The following PCDHGA5 variants were observed in gnomAD, a reference collection of about 807,000 sequenced individuals.
The protein encoded by PCDHGA5 is protocadherin gamma subfamily A, 5.
PCDHGA5 carries 36 observed loss-of-function variants against 56.7 expected under a neutral mutation model. That is an observed-to-expected ratio of 0.64 (90% CI 0.49 to 0.84). The LOEUF (loss-of-function observed/expected upper bound fraction) is 0.84, where lower values mean the gene tolerates loss of function less well. Ranked by LOEUF, PCDHGA5 falls within the 40% of genes least tolerant of loss-of-function variation. The probability of loss-of-function intolerance (pLI) is 0.00; values close to 1 mark genes in which losing one functional copy is unlikely to be tolerated. For synonymous variants in PCDHGA5, 563 were observed against 520.2 expected (o/e 1.08, Z -1.12); for missense variants, 1,305 against 1,201.5 (o/e 1.09, Z -1.27).
At chr5:141,452,161 A>G (rs559274240) in intron 1 of PCDHGA5, among the ~76,000 whole-genome samples, 1 of 152,204 alleles carries the variant, frequency 6.6e-6, no homozygotes, top group South Asian at 2.1e-4. Context: ...GTTATATTCT[A>G]TTACTAACAT....
chr5:141,432,611 T>C lies in PCDHGA5; in HGVS notation c.2422-62196T>C, dbSNP rs141541670. On this transcript the variant is annotated intron_variant, in intron 1 of 3. Transcript: ENST00000518069. This position sits in a 1 kb window ranked among gnomAD's most constrained non-coding sequence, Gnocchi z 6.0. ...CAAGGCCAGCGAGCCGGGACTCTTC[T>C]CGGTGGGTCTGCACACGGGCGAGGT... The C allele has an allele frequency of 2.5e-6, 4 of 1,613,860 alleles. No homozygotes were observed. In the South Asian group the frequency reaches 4.4e-5, roughly 18 times the overall value.
intron 1 of PCDHGA5, among the ~76,000 whole-genome samples, chr5:141,406,925 G>A (rs1003832711): frequency 2.0e-5 from 3 of 152,268 alleles, no homozygotes; most frequent in African/African-American, 7.2e-5. Flanking sequence ...AGAGAATAAT[G>A]TATTATTTAA....
chr5:141,386,400 A>G (rs1180278109), intron 1 of PCDHGA5, among the ~76,000 whole-genome samples: 1 of 152,176 alleles, frequency 6.6e-6, no homozygotes, highest in Non-Finnish European at 1.5e-5. Flanking sequence ...ACTTTTAGCC[A>G]GGTATGGTGT....
chr5:141,489,254 C>T lies in PCDHGA5; in HGVS notation c.2422-5553C>T, dbSNP rs2099684538. 2 of 1,548,628 alleles carry T rather than the reference C, an allele frequency of 1.3e-6. No homozygotes were observed. Among genetic ancestry groups the T allele is most frequent in the African/African-American group, 1.4e-5 (1 of 73,008 alleles). ...GACTTCTGGGTCATGGGGCCCAAGA[C>T]ACTCCCACAGCTCGCTGGGAAATGG... is the stretch of plus-strand genomic sequence containing the variant. On this transcript the variant is annotated intron_variant, in intron 1 of 3. Transcript: ENST00000518069. This position sits in a 1 kb window ranked among gnomAD's most constrained non-coding sequence, Gnocchi z 4.5.
chr5:141,436,878 G>T (rs914354261), intron 1 of PCDHGA5, among the ~76,000 whole-genome samples: 1 of 152,216 alleles, frequency 6.6e-6, no homozygotes, highest in African/African-American at 2.4e-5. Context: ...GGCCATAAAA[G>T]ATGGGGGAAA....
At position 141,505,451 on chromosome 5, in the gene PCDHGA5, C is replaced by T. The variant is rs1350424069; in HGVS notation, c.2539C>T (p.Leu847=). Residue 847 remains leucine (L), a synonymous_variant, in exon 3 of 4, where the codon CTG becomes TTG. Transcript: ENST00000518069. The part of the protein sequence containing the change: ...WPNNQFDTEM[L]QAMILASASE... ...CAACAACCAGTTTGACACAGAGATG[C>T]TGCAAGCCATGATCTTGGCGTCCGC... The T allele has an allele frequency of 1.2e-6, 2 of 1,614,222 alleles. No individual in the cohort carries two copies. The highest frequency in any genetic ancestry group is 1.7e-6 in the Non-Finnish European group (2 of 1,180,048).
chr5:141,454,669 AC>A (rs1292139052), intron 1 of PCDHGA5, among the ~76,000 whole-genome samples: 1 of 151,212 alleles, frequency 6.6e-6, no homozygotes, highest in African/African-American at 2.4e-5. Context: ...GCCTCCCAAA[AC>A]ACTGGGATTA....
intron 1 of PCDHGA5, chr5:141,383,042 T>C (rs1397489820): frequency 6.2e-7 from 1 of 1,613,842 alleles, no homozygotes; most frequent in Non-Finnish European, 8.5e-7. Flanking sequence ...GTGGGAGACA[T>C]CGCCAAGGAC....
At position 141,399,661 on chromosome 5, in the gene PCDHGA5, G is replaced by T. The variant is rs1021211609; in HGVS notation, c.2421+32910G>T. The T allele has an allele frequency of 6.8e-6, 11 of 1,613,526 alleles. No individual in the cohort carries two copies. Among genetic ancestry groups the T allele is most frequent in the Non-Finnish European group, 9.3e-6 (11 of 1,179,892 alleles). ...GAGCGCGCAAAGTGGGGTGGTGTTC[G>T]CGCAGCGCGCCTTTGACTACGAGCA... On this transcript the variant is annotated intron_variant, in intron 1 of 3. Transcript: ENST00000518069.
chr5:141,495,735 T>C (rs1595351919), intron 2 of PCDHGA5, among the ~76,000 whole-genome samples: 1 of 152,044 alleles, frequency 6.6e-6, no homozygotes, highest in Admixed American at 6.5e-5. Context: ...CCTTAGTCTC[T>C]TTCTCCTTCT....
intron 2 of PCDHGA5, among the ~76,000 whole-genome samples, chr5:141,503,388 A>C (rs1456500896): frequency 6.6e-6 from 1 of 152,004 alleles, no homozygotes; most frequent in East Asian, 1.9e-4. Flanking sequence ...TGAGGTCAGG[A>C]GTTCGAAACC....
At chr5:141,392,893 G>C in intron 1 of PCDHGA5, 1 of 1,613,780 alleles carries the variant, frequency 6.2e-7, no homozygotes, top group South Asian at 1.1e-5. Flanking sequence ...TGGGAAATCG[G>C]GAGGGGACAG....
chr5:141,415,649 A>C, intron 1 of PCDHGA5: 1 of 1,597,710 alleles, frequency 6.3e-7, no homozygotes, highest in Non-Finnish European at 8.5e-7. Context: ...GTTAAAAAAA[A>C]AAAGATTGGT....
intron 1 of PCDHGA5, among the ~76,000 whole-genome samples, chr5:141,455,907 ATTTATTTT>A (rs1199495676): frequency 7.1e-5 from 9 of 126,872 alleles, no homozygotes; most frequent in African/African-American, 1.1e-4. Context: ...TTATTTATTT[ATTTATTTT>A]GAGACGGAGT....
Position 141,490,083 on chromosome 5 carries a change from T to G in PCDHGA5, c.2422-4724T>G. Reference sequence around the variant, plus strand: ...CCAACGGCCAACTAGACTATTCTTTTGGAGACCACACATCTGAGGCAGTGC... The same window carrying G: ...CCAACGGCCAACTAGACTATTCTTTGGGAGACCACACATCTGAGGCAGTGC... On this transcript the variant is annotated intron_variant, in intron 1 of 3. Coordinates refer to ENST00000518069, the MANE Select transcript of PCDHGA5 (RefSeq NM_018918.3). This position sits in a 1 kb window ranked among gnomAD's most constrained non-coding sequence, Gnocchi z 5.4. 1.2e-6 allele frequency: 2 copies of G among 1,614,262 alleles called. No individual in the cohort carries two copies. The highest frequency in any genetic ancestry group is 1.7e-6 in the Non-Finnish European group (2 of 1,180,054).
chr5:141,428,376 A>G (rs2097136159), intron 1 of PCDHGA5: 2 of 528,068 alleles, frequency 3.8e-6, no homozygotes, highest in African/African-American at 1.9e-5. Flanking sequence ...TGCACCTGCG[A>G]TGCTCTTCCA....
At chr5:141,376,521 C>T (rs567480751) in intron 1 of PCDHGA5, 5 of 1,613,810 alleles carry the variant, frequency 3.1e-6, no homozygotes, top group East Asian at 4.5e-5. Context: ...AGTTTCTTTC[C>T]GCCTAAGCGG....
rs1248191692 is a variant in PCDHGA5, at chr5:141,419,519, G to T, written c.2421+52768G>T. The T allele has an allele frequency of 1.9e-6, 3 of 1,612,180 alleles. No homozygotes were observed. Among genetic ancestry groups the T allele is most frequent in the Non-Finnish European group, 1.7e-6 (2 of 1,179,504 alleles). ...TGTGAGCCTGCGCGTGTTGGTGGGC[G>T]ACCGTAACGACAACGCACCGCGGGT... On this transcript the variant is annotated intron_variant, in intron 1 of 3. Coordinates refer to ENST00000518069, the MANE Select transcript of PCDHGA5 (RefSeq NM_018918.3).
chr5:141,414,519 T>C (rs754685087), intron 1 of PCDHGA5: 6 of 1,613,856 alleles, frequency 3.7e-6, no homozygotes, highest in Non-Finnish European at 5.1e-6. Context: ...AAGTGGCAGA[T>C]ATCAATGACA....
Sources: allele counts gnomAD v4.1 joint callset (sites outside exome capture counted in the v4.1 genomes callset), GRCh38; gene constraint gnomAD v4.1.1; non-coding constraint Gnocchi (gnomAD v3.1); transcripts MANE v1.5; gene names NCBI Gene and HGNC (gene_info 2026-07-23, HGNC 2026-07-21).